FRMPD4: variants seen among roughly 807,000 people sequenced by gnomAD.
FRMPD4 encodes FERM and PDZ domain-containing protein 4.
Under a neutral mutation model 94.1 loss-of-function variants are expected in FRMPD4, and 22 were observed. The observed-to-expected ratio is 0.23, with a 90% confidence interval of 0.17 to 0.33. The LOEUF (loss-of-function observed/expected upper bound fraction) is 0.33, where lower values mean the gene tolerates loss of function less well. FRMPD4 is among the 10% of genes least tolerant of loss of function. The pLI is 1.00. For missense variants in FRMPD4, 1,111 were observed against 1,339.9 expected (o/e 0.83, Z 2.67); for synonymous variants, 631 against 548.6 (o/e 1.15, Z -2.10).
At chrX:12,376,434 C>T (rs1024321862) in intron 1 of FRMPD4, among the ~76,000 whole-genome samples, 13 of 112,725 alleles carry the variant, frequency 1.2e-4, no homozygotes, top group Non-Finnish European at 2.4e-4. Context: ...CTTCACATGT[C>T]TGTGCTATGA....
At chrX:12,231,412 C>A (rs2057006719) in intron 1 of FRMPD4, among the ~76,000 whole-genome samples, 1 of 110,040 alleles carries the variant, frequency 9.1e-6, no homozygotes, top group Admixed American at 9.8e-5. Context: ...GGCTAGTCCC[C>A]CAGTAGTAGG....
chrX:12,209,662 T>C (rs1177272253), intron 1 of FRMPD4, among the ~76,000 whole-genome samples: 1 of 112,255 alleles, frequency 8.9e-6, no homozygotes, highest in Admixed American at 9.5e-5. Context: ...CCTGTGTGTC[T>C]CTTTAAAGTG....
At chrX:11,826,944 T>C (rs1168229036) in intron 1 of FRMPD4, among the ~76,000 whole-genome samples, 2 of 106,295 alleles carry the variant, frequency 1.9e-5, no homozygotes, top group African/African-American at 3.4e-5. Context: ...GAGGAGGAGG[T>C]GTCATGAACT....
At chrX:12,333,633 T>C (rs12013136) in intron 1 of FRMPD4, among the ~76,000 whole-genome samples, 6,420 of 111,848 alleles carry the variant, frequency 0.057, 435 homozygotes, top group African/African-American at 0.19. Context: ...GTGTGGTCTA[T>C]GACATGGAGC....
chrX:12,586,946 T>C (rs2058934434), intron 2 of FRMPD4, among the ~76,000 whole-genome samples: 1 of 109,781 alleles, frequency 9.1e-6, no homozygotes, highest in Admixed American at 9.8e-5. Flanking sequence ...AGAGAGAAAA[T>C]TAGCCCCTCA....
At chrX:12,416,497 T>C (rs891601815) in intron 1 of FRMPD4, among the ~76,000 whole-genome samples, 2 of 112,404 alleles carry the variant, frequency 1.8e-5, no homozygotes, top group African/African-American at 6.5e-5. Context: ...TACTCTCTAA[T>C]TTGTGGCATT....
chrX:12,002,361 G>A (rs1024140401), intron 3 of FRMPD4, among the ~76,000 whole-genome samples: 6 of 111,680 alleles, frequency 5.4e-5, no homozygotes, highest in Admixed American at 1.9e-4. Flanking sequence ...TGTGTTTCAG[G>A]TCAGCAGTTG....
chrX:12,497,673 G>C (rs1452470972), intron 1 of FRMPD4, among the ~76,000 whole-genome samples: 1 of 110,830 alleles, frequency 9.0e-6, no homozygotes, highest in Admixed American at 9.6e-5. Context: ...CCTTTATGAA[G>C]GCTGTAGGAA....
chrX:12,112,406 G>A (rs1272991837), intron 3 of FRMPD4, among the ~76,000 whole-genome samples: 4 of 110,179 alleles, frequency 3.6e-5, no homozygotes, highest in Non-Finnish European at 7.6e-5. Context: ...ATCACACACT[G>A]GGGCTTGTCA....
intron 4 of FRMPD4, among the ~76,000 whole-genome samples, chrX:12,645,347 C>CTTTTTTTTT (rs138817056): frequency 3.2e-4 from 18 of 55,640 alleles, no homozygotes; most frequent in African/African-American, 1.4e-3. Context: ...CACTCTCACT[C>CTTTTTTTTT]TTTTTTTTTT....
chrX:11,857,015 T>A (rs1375941076), intron 1 of FRMPD4, among the ~76,000 whole-genome samples: 1 of 111,504 alleles, frequency 9.0e-6, no homozygotes, highest in Admixed American at 9.5e-5. Context: ...GTGAAAGATC[T>A]CTACAAGGAG....
intron 1 of FRMPD4, among the ~76,000 whole-genome samples, chrX:12,488,386 T>C (rs2057759135): frequency 8.9e-6 from 1 of 112,069 alleles, no homozygotes; most frequent in Admixed American, 9.5e-5. Context: ...GTGATACTGT[T>C]TCCACAAGCC....
chrX:12,057,639 AG>A (rs1472923911), intron 3 of FRMPD4, among the ~76,000 whole-genome samples: 2 of 111,594 alleles, frequency 1.8e-5, no homozygotes, highest in Non-Finnish European at 3.8e-5. Context: ...TCCATGGGTC[AG>A]GAAGTTGAGC....
intron 2 of FRMPD4, among the ~76,000 whole-genome samples, chrX:12,500,431 G>A (rs980534522): frequency 9.0e-6 from 1 of 111,699 alleles, no homozygotes; most frequent in African/African-American, 3.3e-5. Flanking sequence ...ACACATGTGA[G>A]TGTTGTGGAC....
At chrX:12,013,198 CA>C (rs1199186786) in intron 3 of FRMPD4, among the ~76,000 whole-genome samples, 5 of 111,839 alleles carry the variant, frequency 4.5e-5, no homozygotes, top group African/African-American at 1.6e-4. Flanking sequence ...ACAAGCTTAG[CA>C]TTGTATTACA....
intron 2 of FRMPD4, among the ~76,000 whole-genome samples, chrX:12,543,747 A>T (rs7885656): frequency 9.2e-6 from 1 of 109,026 alleles, no homozygotes; most frequent in East Asian, 2.9e-4. Flanking sequence ...GTATATACCC[A>T]AAGGATTATA....
chrX:12,574,758 A>C (rs1168068971), intron 2 of FRMPD4, among the ~76,000 whole-genome samples: 3 of 112,041 alleles, frequency 2.7e-5, no homozygotes, highest in African/African-American at 9.8e-5. Flanking sequence ...TCGGCCTCCC[A>C]AAGTGCTGGG....
At chrX:12,696,407 C>T in intron 9 of FRMPD4, among the ~76,000 whole-genome samples, 1 of 110,255 alleles carries the variant, frequency 9.1e-6, no homozygotes, top group Non-Finnish European at 1.9e-5. Context: ...ACTATAACTG[C>T]TTCCTATTAC....
chrX:12,355,422 C>T (rs142960604), intron 1 of FRMPD4, among the ~76,000 whole-genome samples: 1,627 of 111,966 alleles, frequency 0.015, 26 homozygotes, highest in African/African-American at 0.049. Flanking sequence ...TCAAGCAATC[C>T]TCCTGCCTTG....
Sources: allele counts gnomAD v4.1 joint callset (sites outside exome capture counted in the v4.1 genomes callset), GRCh38; gene constraint gnomAD v4.1.1; transcripts MANE v1.5; gene names NCBI Gene and HGNC (gene_info 2026-07-23, HGNC 2026-07-21).